Variants in SLC25A12 observed in about 807,000 individuals in gnomAD.
The protein encoded by SLC25A12 is electrogenic aspartate/glutamate antiporter SLC25A12, mitochondrial.
A neutral mutation model predicts 83.3 loss-of-function variants in SLC25A12; 32 were observed. That is an observed-to-expected ratio of 0.38 (90% CI 0.29 to 0.52). The LOEUF is 0.52. Among genes scored for constraint, SLC25A12 ranks in the 20% least tolerant of loss-of-function variants. The probability of loss-of-function intolerance (pLI) is 0.84; values close to 1 mark genes in which losing one functional copy is unlikely to be tolerated. For missense variants in SLC25A12, 611 were observed against 835.6 expected (o/e 0.73, Z 3.31); for synonymous variants, 267 against 291.1 (o/e 0.92, Z 0.84).
At chr2:171,792,139 T>C (rs946518861) in intron 14 of SLC25A12, among the ~76,000 whole-genome samples, 19 of 151,720 alleles carry the variant, frequency 1.3e-4, no homozygotes, top group African/African-American at 3.9e-4. Context: ...GAGTAGAAAA[T>C]CATTACCCAG....
intron 13 of SLC25A12, among the ~76,000 whole-genome samples, chr2:171,799,155 T>A (rs1257226547): frequency 6.6e-6 from 1 of 152,174 alleles, no homozygotes; most frequent in Admixed American, 6.5e-5. Context: ...GGTACCTTGA[T>A]CTTGAACTTC....
chr2:171,805,401 G>A lies in SLC25A12; in HGVS notation c.1305+4205C>T, dbSNP rs147269962. 7.4e-3 allele frequency among the ~76,000 whole-genome samples: 1,130 copies of A among 152,148 alleles called. 73 individuals carry two copies. The East Asian group carries it at 0.16, about 21-fold the overall frequency. On this transcript the variant is annotated intron_variant, in intron 13 of 17. Transcript: ENST00000422440. ...ACTGGGATTACAGGCGTGAGCCACC[G>A]CCCCCGGCCTAAAGGTGGTATTTTT... is the stretch of plus-strand genomic sequence containing the variant.
intron 5 of SLC25A12, among the ~76,000 whole-genome samples, chr2:171,838,005 C>T (rs888711436): frequency 8.5e-5 from 13 of 152,304 alleles, no homozygotes; most frequent in African/African-American, 2.6e-4. Context: ...TTCCAGCAAT[C>T]CCCTGTGTAC....
chr2:171,849,669 C>T (rs1235271468), intron 4 of SLC25A12, among the ~76,000 whole-genome samples: 2 of 149,722 alleles, frequency 1.3e-5, no homozygotes, highest in African/African-American at 2.5e-5. Flanking sequence ...TCACGCCATT[C>T]GTGAGCCTCC....
intron 9 of SLC25A12, among the ~76,000 whole-genome samples, chr2:171,825,527 A>G (rs1684282552): frequency 2.6e-5 from 4 of 152,244 alleles, no homozygotes; most frequent in Admixed American, 2.0e-4. Flanking sequence ...ATGAAGAAAG[A>G]GCAGACATAG....
At chr2:171,846,151 T>C (rs962868557) in intron 4 of SLC25A12, among the ~76,000 whole-genome samples, 1 of 152,130 alleles carries the variant, frequency 6.6e-6, no homozygotes. Context: ...CTGTTTCTAG[T>C]CCCAAATTAA....
chr2:171,799,541 T>G (rs1683666275), intron 13 of SLC25A12, among the ~76,000 whole-genome samples: 1 of 152,160 alleles, frequency 6.6e-6, no homozygotes, highest in South Asian at 2.1e-4. Context: ...GCCTAACATG[T>G]GGGCTTTTTG....
At position 171,837,279 on chromosome 2, in the gene SLC25A12, T is replaced by C; in HGVS notation, c.466-12A>G. On this transcript the variant is annotated splice_polypyrimidine_tract_variant and intron_variant, in intron 5 of 17. Coordinates refer to ENST00000422440, the MANE Select transcript of SLC25A12 (RefSeq NM_003705.5). Reference sequence around the variant, plus strand: ...TCCAATTGCAGCTCCTGTGAGGAAATTAGAAATAGGGCATTAAGCTGGTTA... The same window carrying C: ...TCCAATTGCAGCTCCTGTGAGGAAACTAGAAATAGGGCATTAAGCTGGTTA... The C allele has an allele frequency of 6.2e-7, 1 of 1,613,880 alleles. No homozygotes were observed. The highest frequency in any genetic ancestry group is 8.5e-7 in the Non-Finnish European group (1 of 1,179,884).
Position 171,787,645 on chromosome 2 carries a change from G to C in SLC25A12, c.1761C>G (p.Ser587=). ...CCAAGGTAACACCAAACTGGGGAGA[G>C]GATCGAAACACTCGAGCTGAAAAAG... ...WKGTAARVFR[S]SPQFGVTLVT... is the part of the protein sequence containing the mutation. The change falls in exon 17 of 18, where the codon TCC becomes TCG. Residue 587 remains serine (S), a synonymous_variant. Transcript: ENST00000422440. The C allele has an allele frequency of 6.2e-7, 1 of 1,614,078 alleles. No individual in the cohort carries two copies. Among genetic ancestry groups the C allele is most frequent in the African/African-American group, 1.3e-5 (1 of 75,022 alleles).
At chr2:171,814,872 T>C (rs976717480) in intron 10 of SLC25A12, among the ~76,000 whole-genome samples, 1 of 152,208 alleles carries the variant, frequency 6.6e-6, no homozygotes, top group Admixed American at 6.5e-5. Flanking sequence ...TTAAGGTGAG[T>C]GCAGCACTGC....
chr2:171,821,189 C>G (rs759266796), intron 9 of SLC25A12, among the ~76,000 whole-genome samples: 16 of 151,720 alleles, frequency 1.1e-4, no homozygotes, highest in Non-Finnish European at 2.1e-4. Context: ...ACCACTATGC[C>G]TGGCTAAATT....
At chr2:171,835,267 T>C (rs946147054) in intron 6 of SLC25A12, among the ~76,000 whole-genome samples, 6 of 152,256 alleles carry the variant, frequency 3.9e-5, no homozygotes, top group Non-Finnish European at 8.8e-5. Flanking sequence ...CTTGTTTTTT[T>C]CCTTCACACA....
intron 3 of SLC25A12, among the ~76,000 whole-genome samples, chr2:171,868,125 G>A (rs557050074): frequency 7.9e-5 from 12 of 152,048 alleles, no homozygotes; most frequent in East Asian, 7.7e-4. Context: ...GATCACAGGC[G>A]TGAGCCACCG....
intron 13 of SLC25A12, 87 bp from the exon 14 acceptor site, chr2:171,793,854 A>T: frequency 6.9e-7 from 1 of 1,439,812 alleles, no homozygotes; most frequent in Non-Finnish European, 9.7e-7. Flanking sequence ...AAGCCTCCAC[A>T]TCTTGCTATC....
At chr2:171,876,203 T>C (rs1184685475) in intron 2 of SLC25A12, among the ~76,000 whole-genome samples, 2 of 152,160 alleles carry the variant, frequency 1.3e-5, no homozygotes, top group African/African-American at 2.4e-5. Flanking sequence ...TCTCCAGCTC[T>C]CCTACTCTAT....
In SLC25A12 at chr2:171,785,218, C is replaced by G; in HGVS notation, c.*56G>C. 31 of 1,503,872 alleles carry G rather than the reference C, an allele frequency of 2.1e-5. No homozygotes were observed. The highest frequency in any genetic ancestry group is 1.7e-4 in the Middle Eastern group (1 of 5,814). The allele number at this position is 1,503,872 out of a possible 1,614,324, so 93.2% of individuals were successfully genotyped here. A position where few individuals can be genotyped will look rare whatever the true frequency, so the allele number is the denominator to read the frequency against. On this transcript the variant is annotated 3_prime_UTR_variant, in exon 18 of 18. Coordinates refer to ENST00000422440, the MANE Select transcript of SLC25A12 (RefSeq NM_003705.5). ...GCTGACTGGATACATTACAGGGCTGCTCTCCTAGGCCTCTTTCTTCAAGGC... is the reference window on the plus strand; with the variant it reads ...GCTGACTGGATACATTACAGGGCTGGTCTCCTAGGCCTCTTTCTTCAAGGC...
At chr2:171,866,346 G>T (rs1302508063) in intron 3 of SLC25A12, among the ~76,000 whole-genome samples, 3 of 140,978 alleles carry the variant, frequency 2.1e-5, no homozygotes, top group African/African-American at 7.9e-5. Flanking sequence ...TGAGCTGTTG[G>T]GTACACCTCC....
At chr2:171,790,996 C>T (rs1262803014) in intron 15 of SLC25A12, among the ~76,000 whole-genome samples, 1 of 152,200 alleles carries the variant, frequency 6.6e-6, no homozygotes, top group African/African-American at 2.4e-5. Context: ...GACAGCTTCA[C>T]GACAAAAGCT....
intron 2 of SLC25A12, among the ~76,000 whole-genome samples, chr2:171,880,675 T>C (rs991805837): frequency 6.6e-6 from 1 of 152,212 alleles, no homozygotes; most frequent in Non-Finnish European, 1.5e-5. Flanking sequence ...AGAGTTTGCA[T>C]AGTTCCCAAT....
Sources: gnomAD v4.1 joint callset for allele counts (sites outside exome capture counted in the v4.1 genomes callset) on GRCh38, gnomAD v4.1.1 for gene constraint, MANE v1.5 for transcripts, NCBI Gene and HGNC (gene_info 2026-07-23, HGNC 2026-07-21) for gene names.